The following NRXN2 variants were observed in gnomAD, a reference collection of about 807,000 sequenced individuals.
The protein encoded by NRXN2 is neurexin 2, also known as neurexin-2-beta.
Under a neutral mutation model 128.8 loss-of-function variants are expected in NRXN2, and 29 were observed. The ratio of observed to expected loss-of-function variants is 0.23; its 90% CI spans 0.17 to 0.31. The LOEUF is 0.31. Among genes scored for constraint, NRXN2 ranks in the 10% least tolerant of loss-of-function variants. The pLI is 1.00. For missense variants in NRXN2, 1,881 were observed against 2,452.6 expected (o/e 0.77, Z 4.92); for synonymous variants, 1,098 against 1,075.2 (o/e 1.02, Z -0.41).
chr11:64,660,558 A>C lies in NRXN2; in HGVS notation c.2186-23T>G, dbSNP rs749283156. The C allele has an allele frequency of 1.4e-5, 23 of 1,612,708 alleles. No individual in the cohort carries two copies. The highest frequency in any genetic ancestry group is 2.0e-5 in the Non-Finnish European group (23 of 1,179,192). ...CCTCTGCCCACAGGAGTTGGGGAAG[A>C]GGGAAGGAGAAGACAGGCAGAGGCC... is the stretch of plus-strand genomic sequence containing the variant. On this transcript the variant is annotated intron_variant, in intron 10 of 22. Coordinates refer to ENST00000265459, the MANE Select transcript of NRXN2 (RefSeq NM_015080.4). This position sits in a 1 kb window ranked among gnomAD's most constrained non-coding sequence, Gnocchi z 5.2.
chr11:64,719,706 C>T (rs1365601079), intron 1 of NRXN2, among the ~76,000 whole-genome samples: 1 of 152,120 alleles, frequency 6.6e-6, no homozygotes, highest in African/African-American at 2.4e-5. Context: ...GAGGGATGAG[C>T]ACCAAGCTTA....
At chr11:64,652,933 C>T (rs1300949670) in intron 12 of NRXN2, among the ~76,000 whole-genome samples, 2 of 151,874 alleles carry the variant, frequency 1.3e-5, no homozygotes, top group African/African-American at 2.4e-5. Context: ...TGCCCCCCCA[C>T]CCCGAGGGCT....
In NRXN2 at chr11:64,632,946, TG is replaced by T. The variant is rs980121562; in HGVS notation, c.3585+2324del. 6.6e-6 allele frequency among the ~76,000 whole-genome samples: 1 copy of T among 152,194 alleles called. No individual in the cohort carries two copies. The highest frequency in any genetic ancestry group is 1.5e-5 in the Non-Finnish European group (1 of 68,018). ...TCTCTGAGAGCTGCTACTGACGCTGTGGTGGGAGCTGATGTGTCACCAGGGG... is the reference window on the plus strand; with the variant it reads ...TCTCTGAGAGCTGCTACTGACGCTGTGTGGGAGCTGATGTGTCACCAGGGG... On this transcript the variant is annotated intron_variant, in intron 18 of 22. Coordinates refer to ENST00000265459, the MANE Select transcript of NRXN2 (RefSeq NM_015080.4). This position sits in a 1 kb window ranked among gnomAD's most constrained non-coding sequence, Gnocchi z 4.2.
chr11:64,685,520 T>C, intron 6 of NRXN2, 126 bp downstream of exon 6: 1 of 1,292,760 alleles, frequency 7.7e-7, no homozygotes, highest in Non-Finnish European at 1.1e-6. Context: ...CTCCTGTTCT[T>C]CTCCAGAACC....
chr11:64,716,119 C>G (rs2135684089), intron 1 of NRXN2, among the ~76,000 whole-genome samples: 1 of 152,374 alleles, frequency 6.6e-6, no homozygotes, highest in East Asian at 1.9e-4. Flanking sequence ...CCATCTCAGT[C>G]TGGCCTGGCC....
chr11:64,653,873 T>A lies in NRXN2; in HGVS notation c.2390-151A>T, dbSNP rs191218255. On this transcript the variant is annotated intron_variant, in intron 11 of 22. Coordinates refer to ENST00000265459, the MANE Select transcript of NRXN2 (RefSeq NM_015080.4). Reference sequence around the variant, plus strand: ...GGGGACCACGCGTGCCCAGGTGCCCTCTTCCCTTCCTCAGTTGGACCCCTG... The same window carrying A: ...GGGGACCACGCGTGCCCAGGTGCCCACTTCCCTTCCTCAGTTGGACCCCTG... 148 of 619,698 alleles carry A rather than the reference T, an allele frequency of 2.4e-4. No individual in the cohort carries two copies. The African/African-American group carries it at 2.4e-3, about 10-fold the overall frequency. The allele number at this position is 619,698 out of a possible 1,614,324, so 38.4% of individuals were successfully genotyped here.
At chr11:64,712,850 C>T in intron 2 of NRXN2, 120 bp downstream of exon 2, 1 of 954,190 alleles carries the variant, frequency 1.0e-6, no homozygotes, top group Non-Finnish European at 1.6e-6. Flanking sequence ...CGCACCCACT[C>T]ACAAGCCCTC....
chr11:64,717,990 A>T (rs1169604130), intron 1 of NRXN2, among the ~76,000 whole-genome samples: 1 of 152,174 alleles, frequency 6.6e-6, no homozygotes, highest in African/African-American at 2.4e-5. Context: ...CTCAGAGCTC[A>T]TGGGGTTCAT....
chr11:64,696,075 A>C (rs576412045), intron 3 of NRXN2, among the ~76,000 whole-genome samples: 2 of 136,376 alleles, frequency 1.5e-5, no homozygotes, highest in Non-Finnish European at 3.1e-5. Flanking sequence ...TCCTTCCTCC[A>C]TCTCTCTGCT....
intron 22 of NRXN2, among the ~76,000 whole-genome samples, chr11:64,609,474 C>T (rs1458144175): frequency 1.3e-5 from 2 of 152,214 alleles, no homozygotes; most frequent in African/African-American, 4.8e-5. Flanking sequence ...GAATGGGTCT[C>T]CCCATCTCTA....
chr11:64,662,820 T>G (rs1028080187), intron 9 of NRXN2, among the ~76,000 whole-genome samples: 2 of 150,970 alleles, frequency 1.3e-5, no homozygotes, highest in Non-Finnish European at 3.0e-5. Flanking sequence ...GGGGTCAGGG[T>G]GGGAGTTGAG....
Position 64,660,926 on chromosome 11 carries a change from C to G in NRXN2, c.2012G>C (p.Arg671Pro). ...LFIDGRSRDL[R>P]GLAEAQGAVG... ...AGCCCCCTGAGCCTCAGCCAGGCCC[C>G]GGAGGTCTCGGCTACGCCCATCTAT... Residue 671 changes from arginine (R) to proline (P), a missense_variant, in exon 10 of 23, where the codon CGG (arginine) becomes CCG (proline). Physicochemically the swap from Arg to Pro is moderately radical, Grantham distance 103. Coordinates refer to ENST00000265459, the MANE Select transcript of NRXN2 (RefSeq NM_015080.4). The surrounding 1 kb of genome is among the most constrained non-coding windows in gnomAD (Gnocchi z 5.2). 1.2e-6 allele frequency: 2 copies of G among 1,613,720 alleles called. No homozygotes were observed. Among genetic ancestry groups the G allele is most frequent in the South Asian group, 2.2e-5 (2 of 91,072 alleles).
Position 64,665,228 on chromosome 11 carries a change from C to T in NRXN2, c.1798+2022G>A, listed in dbSNP as rs576170721. Among the ~76,000 whole-genome samples, 7 of 151,826 alleles carry T rather than the reference C, an allele frequency of 4.6e-5. No individual in the cohort carries two copies. The East Asian group carries it at 1.4e-3, about 29-fold the overall frequency. On this transcript the variant is annotated intron_variant, in intron 9 of 22. Transcript: ENST00000265459. Reference sequence around the variant, plus strand: ...CCCGGGAGGCAAAGGTTGCAGTGAGCCGAGATCGCGCCACTGCACTCCAGC... The same window carrying T: ...CCCGGGAGGCAAAGGTTGCAGTGAGTCGAGATCGCGCCACTGCACTCCAGC...
At chr11:64,695,019 G>A (rs1592169399) in intron 3 of NRXN2, among the ~76,000 whole-genome samples, 1 of 152,180 alleles carries the variant, frequency 6.6e-6, no homozygotes, top group East Asian at 1.9e-4. Flanking sequence ...ACGGCAACCA[G>A]CTGCTCAGCT....
chr11:64,701,981 T>C (rs1251123542), intron 2 of NRXN2, among the ~76,000 whole-genome samples: 161 of 103,900 alleles, frequency 1.5e-3, no homozygotes, highest in Admixed American at 4.1e-3. Flanking sequence ...CCCGGCCAGC[T>C]GCCCCGTCCG....
chr11:64,717,627 C>T (rs1454083282), intron 1 of NRXN2, among the ~76,000 whole-genome samples: 1 of 152,244 alleles, frequency 6.6e-6, no homozygotes, highest in Non-Finnish European at 1.5e-5. Flanking sequence ...AAGCCTCCTC[C>T]TCATTTTCCC....
chr11:64,663,627 C>A (rs1032667862), intron 9 of NRXN2, among the ~76,000 whole-genome samples: 4 of 152,084 alleles, frequency 2.6e-5, no homozygotes, highest in African/African-American at 9.7e-5. Flanking sequence ...GGGCTTTACA[C>A]GACTCAACCA....
intron 2 of NRXN2, among the ~76,000 whole-genome samples, chr11:64,711,946 C>G (rs2056937726): frequency 6.6e-6 from 1 of 150,646 alleles, no homozygotes; most frequent in Admixed American, 6.8e-5. Flanking sequence ...GCGCTGGAAT[C>G]GCCATCGTGC....
At chr11:64,617,880 C>T (rs2041780607) in intron 22 of NRXN2, among the ~76,000 whole-genome samples, 1 of 152,180 alleles carries the variant, frequency 6.6e-6, no homozygotes, top group Non-Finnish European at 1.5e-5. Context: ...TAAGCATGTG[C>T]GATGCAGGCT....
Sources: allele counts gnomAD v4.1 joint callset (sites outside exome capture counted in the v4.1 genomes callset), GRCh38; gene constraint gnomAD v4.1.1; non-coding constraint Gnocchi (gnomAD v3.1); transcripts MANE v1.5; gene names NCBI Gene and HGNC (gene_info 2026-07-23, HGNC 2026-07-21).